Variants in TUBB observed in about 807,000 individuals in gnomAD.
The protein encoded by TUBB is tubulin beta chain.
A neutral mutation model predicts 35.1 loss-of-function variants in TUBB; 2 were observed. The observed-to-expected ratio is 0.06, with a 90% CI of 0.02 to 0.18. The LOEUF is 0.18. Ranked by LOEUF, TUBB falls within the 10% of genes least tolerant of loss-of-function variation. The pLI is 1.00. For missense variants in TUBB, 50 were observed against 599.4 expected (o/e 0.08, Z 9.57); for synonymous variants, 205 against 223.8 (o/e 0.92, Z 0.75).
rs557000578 is a variant in TUBB, at chr6:30,720,581, CTT to C, written c.57+21_57+22del. On this transcript the variant is annotated intron_variant, in intron 1 of 3. Coordinates refer to ENST00000327892, the MANE Select transcript of TUBB (RefSeq NM_178014.4). Reference sequence around the variant, plus strand: ...GTGCCAAGGTAAGAATTTTACACCTCTTTTATTTCTTTTTACAAGGAAAAATC... The same window carrying C: ...GTGCCAAGGTAAGAATTTTACACCTCTTATTTCTTTTTACAAGGAAAAATC... The C allele has an allele frequency of 6.7e-4, 1,080 of 1,601,098 alleles. 10 individuals are homozygous for C. The African/African-American group carries it at 0.013, about 19-fold the overall frequency.
At chr6:30,721,806 C>T (rs1776290694) in intron 1 of TUBB, 1 of 985,148 alleles carries the variant, frequency 1.0e-6, no homozygotes, top group African/African-American at 1.7e-5. Context: ...GAGCGAGTGT[C>T]TAGGGGAAGG....
At position 30,724,734 on chromosome 6, in the gene TUBB, G is replaced by T. The variant is rs959499367; in HGVS notation, c.*337G>T. 6.1e-6 allele frequency: 2 copies of T among 327,250 alleles called. No homozygotes were observed. The highest frequency in any genetic ancestry group is 2.1e-5 in the African/African-American group (1 of 46,986). The allele number at this position is 327,250 out of a possible 1,614,324, so 20.3% of individuals were successfully genotyped here. A position where few individuals can be genotyped will look rare whatever the true frequency, so the allele number is the denominator to read the frequency against. ...TCCAGATCCCATTTAGAACCAACCA[G>T]GTGCTGAAAACACATGTAGATAATG... is the stretch of plus-strand genomic sequence containing the variant. On this transcript the variant is annotated 3_prime_UTR_variant, in exon 4 of 4. Transcript: ENST00000327892. The surrounding 1 kb of genome is among the most constrained non-coding windows in gnomAD (Gnocchi z 4.4).
intron 1 of TUBB, chr6:30,721,504 C>T (rs1427807604): frequency 1.0e-6 from 1 of 971,864 alleles, no homozygotes; most frequent in Non-Finnish European, 1.2e-6. Context: ...TTGGGCCCCG[C>T]CCCTCGCGCG....
chr6:30,724,748 A>C lies in TUBB; in HGVS notation c.*351A>C, dbSNP rs1024999284. 6.8e-6 allele frequency: 2 copies of C among 294,012 alleles called. No homozygotes were observed. Among genetic ancestry groups the C allele is most frequent in the African/African-American group, 4.3e-5 (2 of 45,982 alleles). The allele number at this position is 294,012 out of a possible 1,614,324, so 18.2% of individuals were successfully genotyped here. On this transcript the variant is annotated 3_prime_UTR_variant, in exon 4 of 4. Transcript: ENST00000327892. This position sits in a 1 kb window ranked among gnomAD's most constrained non-coding sequence, Gnocchi z 4.4. The stretch of plus-strand genomic sequence containing the variant: ...AGAACCAACCAGGTGCTGAAAACAC[A>C]TGTAGATAATGGCCATCATCCTAAG...
rs570268642 is a variant in TUBB at position 30,721,166 on chromosome 6, C to T, written c.57+603C>T. Among the ~76,000 whole-genome samples the T allele has an allele frequency of 1.5e-3, 236 of 152,348 alleles. 3 individuals carry two copies. Among genetic ancestry groups the T allele is most frequent in the Non-Finnish European group, 2.6e-3 (176 of 68,032 alleles). On this transcript the variant is annotated intron_variant, in intron 1 of 3. Coordinates refer to ENST00000327892, the MANE Select transcript of TUBB (RefSeq NM_178014.4). ...GAACGGGATTAATTTTACTTGCTTT[C>T]ATGGCCCCTAAGAGAGACTTTTTTA...
Position 30,720,528 on chromosome 6 carries a change from C to T in TUBB, c.22C>T (p.Gln8Ter). The change falls in exon 1 of 4, where the codon CAG (glutamine) becomes TAG (stop). Residue 8 changes from glutamine (Q) to a stop codon, truncating the protein, a stop_gained. Transcript: ENST00000327892. LOFTEE classifies it high-confidence loss of function. ...AACCATGAGGGAAATCGTGCACATC[C>T]AGGCTGGTCAGTGTGGCAACCAGAT... is the stretch of plus-strand genomic sequence containing the variant. MREIVHI[Q>*]AGQCGNQIGA... 6.2e-7 allele frequency: 1 copy of T among 1,614,130 alleles called. No homozygotes were observed. Among genetic ancestry groups the T allele is most frequent in the Non-Finnish European group, 8.5e-7 (1 of 1,179,996 alleles).
In TUBB at chr6:30,720,397, C is replaced by G. The variant is rs1011958844; in HGVS notation, c.-110C>G. 1.9e-6 allele frequency: 2 copies of G among 1,054,778 alleles called. No individual in the cohort carries two copies. Among genetic ancestry groups the G allele is most frequent in the Non-Finnish European group, 2.9e-6 (2 of 682,322 alleles). The allele number at this position is 1,054,778 out of a possible 1,614,324, so 65.3% of individuals were successfully genotyped here. ...TCGCGTTTGCACCTCGCTGCTCCAG[C>G]CTCTGGGGCGCATTCCAACCTTCCA... On this transcript the variant is annotated 5_prime_UTR_variant, in exon 1 of 4. Coordinates refer to ENST00000327892, the MANE Select transcript of TUBB (RefSeq NM_178014.4).
In TUBB at chr6:30,722,324, T is replaced by A. The variant is rs143804865; in HGVS notation, c.58-213T>A. ...TGGGCGTGTTGGTGCGCGCCTATAG[T>A]CCCAGCTACTCCGGGGGCTGAGGCA... On this transcript the variant is annotated intron_variant, in intron 1 of 3. Coordinates refer to ENST00000327892, the MANE Select transcript of TUBB (RefSeq NM_178014.4). The A allele has an allele frequency of 0.019, 10,527 of 552,606 alleles. 787 individuals are homozygous for A. Among genetic ancestry groups the A allele is most frequent in the East Asian group, 0.16 (5,182 of 32,410 alleles). The allele number at this position is 552,606 out of a possible 1,614,324, so 34.2% of individuals were successfully genotyped here.
intron 1 of TUBB, chr6:30,722,255 C>T (rs191555120): frequency 1.8e-4 from 71 of 391,928 alleles, no homozygotes; most frequent in African/African-American, 1.4e-3. Context: ...ACCATCCTGG[C>T]CAACATGGTG....
At chr6:30,722,429 G>T in intron 1 of TUBB, 108 bp from the exon 2 acceptor site, 2 of 777,324 alleles carry the variant, frequency 2.6e-6, no homozygotes, top group Non-Finnish European at 4.3e-6. Context: ...GTGACAGAGC[G>T]AGACTCCGTC....
At chr6:30,723,118 G>A in intron 3 of TUBB, 90 bp downstream of exon 3, 1 of 1,155,988 alleles carries the variant, frequency 8.7e-7, no homozygotes. Flanking sequence ...GGAGATGATT[G>A]TTGTATTGGA....
At position 30,723,977 on chromosome 6, in the gene TUBB, C is replaced by T. The variant is rs1179974971; in HGVS notation, c.915C>T (p.Pro305=). Residue 305 remains proline (P), a synonymous_variant, in exon 4 of 4, where the codon CCC becomes CCT. Coordinates refer to ENST00000327892, the MANE Select transcript of TUBB (RefSeq NM_178014.4). ...AGAACATGATGGCTGCCTGTGACCC[C>T]CGCCACGGCCGATACCTCACCGTGG... ...DAKNMMAACD[P]RHGRYLTVAA... 1 of 1,614,136 alleles carries T rather than the reference C, an allele frequency of 6.2e-7. No individual in the cohort carries two copies. The highest frequency in any genetic ancestry group is 8.5e-7 in the Non-Finnish European group (1 of 1,180,004).
chr6:30,721,779 CTG>C, intron 1 of TUBB: 1 of 985,326 alleles, frequency 1.0e-6, no homozygotes, highest in African/African-American at 1.7e-5. Context: ...GCAGGGAAAG[CTG>C]TGGCTTTCTC....
At position 30,724,522 on chromosome 6, in the gene TUBB, G is replaced by GT. The variant is rs1478600798; in HGVS notation, c.*125_*126insT. On this transcript the variant is annotated 3_prime_UTR_variant, in exon 4 of 4. Transcript: ENST00000327892. The surrounding 1 kb of genome is among the most constrained non-coding windows in gnomAD (Gnocchi z 4.4). ...TGTTTTTTGTTTTTTCTTCTGGGGG[G>GT]GGTCTAGAACAGTGCCTGGCACATA... 4 of 859,134 alleles carry GT rather than the reference G, an allele frequency of 4.7e-6. No individual in the cohort carries two copies. The Admixed American group carries it at 1.1e-4, about 24-fold the overall frequency. The allele number at this position is 859,134 out of a possible 1,614,324, so 53.2% of individuals were successfully genotyped here.
chr6:30,724,397 A>G lies in TUBB; in HGVS notation c.1335A>G (p.Ter445=), dbSNP rs3873310. The change falls in exon 4 of 4, where the codon TAA becomes TAG. Residue 445 remains the stop codon, a stop_retained_variant. Transcript: ENST00000327892. This position sits in a 1 kb window ranked among gnomAD's most constrained non-coding sequence, Gnocchi z 4.4. ...GTGAGGAGGCCGAAGAGGAGGCCTA[A>G]GGCAGAGCCCCCATCACCTCAGGCT... is the stretch of plus-strand genomic sequence containing the variant. ...DFGEEAEEEA[*] 6.2e-7 allele frequency: 1 copy of G among 1,608,198 alleles called. No individual in the cohort carries two copies. Among genetic ancestry groups the G allele is most frequent in the Non-Finnish European group, 8.5e-7 (1 of 1,177,510 alleles).
rs1776519556 is a variant in TUBB, at chr6:30,724,654, C to T, written c.*257C>T. The T allele has an allele frequency of 2.0e-6, 1 of 499,126 alleles. No homozygotes were observed. The highest frequency in any genetic ancestry group is 3.5e-6 in the Non-Finnish European group (1 of 285,334). The allele number at this position is 499,126 out of a possible 1,614,324, so 30.9% of individuals were successfully genotyped here. ...GTGACCCTGTATTTCTTTCTGGTGC[C>T]CATTCCATTTGTCCAGTTAATACTT... On this transcript the variant is annotated 3_prime_UTR_variant, in exon 4 of 4. Transcript: ENST00000327892. The surrounding 1 kb of genome is among the most constrained non-coding windows in gnomAD (Gnocchi z 4.4).
intron 1 of TUBB, 45 bp downstream of exon 1, chr6:30,720,608 C>G: frequency 6.3e-7 from 1 of 1,575,988 alleles, no homozygotes; most frequent in Middle Eastern, 1.7e-4. Context: ...AAGGAAAAAT[C>G]CAGGTAAGTT....
chr6:30,722,784 CA>C (rs1241923229), intron 2 of TUBB, 133 bp from the exon 3 acceptor site: 2 of 1,115,578 alleles, frequency 1.8e-6, no homozygotes, highest in African/African-American at 3.1e-5. Flanking sequence ...CCGTCGGGGC[CA>C]AAGACGTCTG....
Position 30,724,835 on chromosome 6 carries a change from A to G in TUBB, c.*438A>G, listed in dbSNP as rs1314795559. 5.9e-6 allele frequency: 1 copy of G among 169,164 alleles called. No individual in the cohort carries two copies. Among genetic ancestry groups the G allele is most frequent in the Non-Finnish European group, 1.3e-5 (1 of 79,824 alleles). 10.5% of individuals were successfully genotyped at this position (169,164 alleles called of 1,614,324 possible). On this transcript the variant is annotated 3_prime_UTR_variant, in exon 4 of 4. Coordinates refer to ENST00000327892, the MANE Select transcript of TUBB (RefSeq NM_178014.4). This position sits in a 1 kb window ranked among gnomAD's most constrained non-coding sequence, Gnocchi z 4.4. ...GTCACTATATAAGGAAGGGGATGGG[A>G]TTTTCCATTCTAAAAGTTTTGGAGA...
Sources: allele counts gnomAD v4.1 joint callset (sites outside exome capture counted in the v4.1 genomes callset), GRCh38; gene constraint gnomAD v4.1.1; non-coding constraint Gnocchi (gnomAD v3.1); transcripts MANE v1.5; gene names NCBI Gene and HGNC (gene_info 2026-07-23, HGNC 2026-07-21).